RPRML: variants seen among roughly 807,000 people sequenced by gnomAD.
RPRML encodes the protein reprimo like, also known as reprimo-like protein.
A neutral mutation model predicts 5.2 loss-of-function variants in RPRML; 4 were observed. The observed-to-expected ratio is 0.77, with a 90% CI of 0.38 to 1.76. RPRML has a LOEUF of 1.76. Among genes scored for constraint, RPRML ranks in the 40% most tolerant of loss-of-function variants. RPRML has a pLI of 0.04. For missense variants in RPRML, 181 were observed against 177.7 expected, an observed-to-expected ratio of 1.02 and a Z score of -0.11; for synonymous variants, 79 against 89.1, an observed-to-expected ratio of 0.89 and a Z score of 0.64.
rs544387954 is a variant in RPRML at position 46,978,352 on chromosome 17, C to G, written c.*293G>C. ...GCAGTCCCAAATTGCATCTCCATACCCACTCCCACCCTGCCCCGAACGTCT... is the reference window on the plus strand; with the variant it reads ...GCAGTCCCAAATTGCATCTCCATACGCACTCCCACCCTGCCCCGAACGTCT... On this transcript the variant is annotated 3_prime_UTR_variant, in exon 1 of 1. Coordinates refer to ENST00000322329, the MANE Select transcript of RPRML (RefSeq NM_203400.5). 1 of 429,450 alleles carries G rather than the reference C, an allele frequency of 2.3e-6. No homozygotes were observed. Among genetic ancestry groups the G allele is most frequent in the Non-Finnish European group, 4.1e-6 (1 of 242,888 alleles). The allele number at this position is 429,450 out of a possible 1,614,324, so 26.6% of individuals were successfully genotyped here.
Position 46,978,511 on chromosome 17 carries a change from C to T in RPRML, c.*134G>A. The stretch of plus-strand genomic sequence containing the variant: ...CGCGCCCCCGCCGACAGTCTCGCCG[C>T]GTCCCCGCCCGGGCGCCCCAGGCAC... On this transcript the variant is annotated 3_prime_UTR_variant, in exon 1 of 1. Transcript: ENST00000322329. 4 of 1,076,524 alleles carry T rather than the reference C, an allele frequency of 3.7e-6. 1 individual carries two copies. Among genetic ancestry groups the T allele is most frequent in the Non-Finnish European group, 5.1e-6 (4 of 780,428 alleles). 66.7% of individuals were successfully genotyped at this position (1,076,524 alleles called of 1,614,324 possible). A position where few individuals can be genotyped will look rare whatever the true frequency, so the allele number is the denominator to read the frequency against.
At position 46,978,970 on chromosome 17, in the gene RPRML, T is replaced by C; in HGVS notation, c.38A>G (p.Glu13Gly). 2 of 1,449,314 alleles carry C rather than the reference T, an allele frequency of 1.4e-6. No individual in the cohort carries two copies. The highest frequency in any genetic ancestry group is 1.8e-6 in the Non-Finnish European group (2 of 1,110,610). The allele number at this position is 1,449,314 out of a possible 1,614,324, so 89.8% of individuals were successfully genotyped here. A position where few individuals can be genotyped will look rare whatever the true frequency, so the allele number is the denominator to read the frequency against. ...GGCGCCGCCGCCCACGCCGTCCACCTCCTCCAAGCCGCTGTGGTTCAGGAA... is the reference window on the plus strand; with the variant it reads ...GGCGCCGCCGCCCACGCCGTCCACCCCCTCCAAGCCGCTGTGGTTCAGGAA... Reference protein sequence around the residue: ...ATFLNHSGLEEVDGVGGGAGA... With the variant: ...ATFLNHSGLEGVDGVGGGAGA... Residue 13 changes from glutamate to glycine, a missense_variant, in exon 1 of 1, where the codon GAG becomes GGG. Transcript: ENST00000322329.
At position 46,978,635 on chromosome 17, in the gene RPRML, C is replaced by G; in HGVS notation, c.*10G>C. On this transcript the variant is annotated 3_prime_UTR_variant, in exon 1 of 1. Coordinates refer to ENST00000322329, the MANE Select transcript of RPRML (RefSeq NM_203400.5). ...GCAGCAGCGCTGGCGAGGGCGGACC[C>G]AGATGGCGCTCAGTACAGCCCCAGG... 4 of 1,584,074 alleles carry G rather than the reference C, an allele frequency of 2.5e-6. No individual in the cohort carries two copies. The highest frequency in any genetic ancestry group is 3.4e-6 in the Non-Finnish European group (4 of 1,167,398).
Position 46,978,486 on chromosome 17 carries a change from C to G in RPRML, c.*159G>C. 1.2e-6 allele frequency: 1 copy of G among 816,258 alleles called. No homozygotes were observed. The highest frequency in any genetic ancestry group is 1.8e-6 in the Non-Finnish European group (1 of 548,082). The allele number at this position is 816,258 out of a possible 1,614,324, so 50.6% of individuals were successfully genotyped here. A position where few individuals can be genotyped will look rare whatever the true frequency, so the allele number is the denominator to read the frequency against. On this transcript the variant is annotated 3_prime_UTR_variant, in exon 1 of 1. Transcript: ENST00000322329. ...AGAGCCGGGCGTCCAAGTCCCTTCC[C>G]GCGCCCCCGCCGACAGTCTCGCCGC...
chr17:46,978,523 G>A lies in RPRML; in HGVS notation c.*122C>T, dbSNP rs962588603. The A allele has an allele frequency of 3.2e-6, 4 of 1,249,682 alleles. No individual in the cohort carries two copies. The African/African-American group carries it at 6.4e-5, about 20-fold the overall frequency. The allele number at this position is 1,249,682 out of a possible 1,614,324, so 77.4% of individuals were successfully genotyped here. On this transcript the variant is annotated 3_prime_UTR_variant, in exon 1 of 1. Coordinates refer to ENST00000322329, the MANE Select transcript of RPRML (RefSeq NM_203400.5). ...GACAGTCTCGCCGCGTCCCCGCCCGGGCGCCCCAGGCACGTAGCTGCCCGC... is the reference window on the plus strand; with the variant it reads ...GACAGTCTCGCCGCGTCCCCGCCCGAGCGCCCCAGGCACGTAGCTGCCCGC...
chr17:46,979,211 G>C lies in RPRML; in HGVS notation c.-204C>G. On this transcript the variant is annotated 5_prime_UTR_variant, in exon 1 of 1. Transcript: ENST00000322329. Reference sequence around the variant, plus strand: ...GCGGGAAGCGACCGCCCGGAGGAGCGAGCAACAGGCGGCGCAGGAGCTGGA... The same window carrying C: ...GCGGGAAGCGACCGCCCGGAGGAGCCAGCAACAGGCGGCGCAGGAGCTGGA... The C allele has an allele frequency of 2.2e-6, 1 of 451,112 alleles. No homozygotes were observed. Among genetic ancestry groups the C allele is most frequent in the Non-Finnish European group, 3.9e-6 (1 of 259,648 alleles). 27.9% of individuals were successfully genotyped at this position (451,112 alleles called of 1,614,324 possible). A position where few individuals can be genotyped will look rare whatever the true frequency, so the allele number is the denominator to read the frequency against.
Position 46,978,680 on chromosome 17 carries a change from T to G in RPRML, c.328A>C (p.Lys110Gln). 2 of 1,610,402 alleles carry G rather than the reference T, an allele frequency of 1.2e-6. No individual in the cohort carries two copies. The highest frequency in any genetic ancestry group is 1.7e-6 in the Non-Finnish European group (2 of 1,178,786). ...NFLVQERRPSKDVGAAILGLY is the reference protein window; with the variant it reads ...NFLVQERRPSQDVGAAILGLY ...CCCAGGATGGCTGCGCCCACGTCCTTGGAGGGCCGGCGCTCCTGCACCAGA... is the reference window on the plus strand; with the variant it reads ...CCCAGGATGGCTGCGCCCACGTCCTGGGAGGGCCGGCGCTCCTGCACCAGA... Residue 110 changes from lysine (K) to glutamine (Q), a missense_variant, in exon 1 of 1, where the codon AAG becomes CAG. By Grantham distance (53) the Lys-to-Gln change is moderately conservative (BLOSUM62 1). Transcript: ENST00000322329.
chr17:46,978,573 G>C lies in RPRML; in HGVS notation c.*72C>G, dbSNP rs2091464721. The C allele has an allele frequency of 6.6e-7, 1 of 1,506,250 alleles. No homozygotes were observed. Among genetic ancestry groups the C allele is most frequent in the East Asian group, 2.6e-5 (1 of 37,890 alleles). The allele number at this position is 1,506,250 out of a possible 1,614,324, so 93.3% of individuals were successfully genotyped here. On this transcript the variant is annotated 3_prime_UTR_variant, in exon 1 of 1. Transcript: ENST00000322329. Reference sequence around the variant, plus strand: ...CCCGGAGGCGGCGGCAGAGCGCAGAGAGCGGGGCGAGGGTCCGGGTCTCCG... The same window carrying C: ...CCCGGAGGCGGCGGCAGAGCGCAGACAGCGGGGCGAGGGTCCGGGTCTCCG...
rs2091468461 is a variant in RPRML, at chr17:46,978,918, G to T, written c.90C>A (p.His30Gln). The T allele has an allele frequency of 6.8e-7, 1 of 1,464,790 alleles. No homozygotes were observed. The highest frequency in any genetic ancestry group is 2.9e-5 in the East Asian group (1 of 34,010). The allele number at this position is 1,464,790 out of a possible 1,614,324, so 90.7% of individuals were successfully genotyped here. Residue 30 changes from histidine to glutamine, a missense_variant, in exon 1 of 1, where the codon CAC becomes CAA. Transcript: ENST00000322329. Reference protein sequence around the residue: ...GAGAALGNRTHGLGTWLGCCP... With the variant: ...GAGAALGNRTQGLGTWLGCCP... ...AGCAGCCCAGCCACGTGCCCAGCCC[G>T]TGGGTGCGGTTTCCCAGGGCGGCCC...
At position 46,979,031 on chromosome 17, in the gene RPRML, G is replaced by A; in HGVS notation, c.-24C>T. The A allele has an allele frequency of 7.2e-7, 1 of 1,386,918 alleles. No homozygotes were observed. The allele number at this position is 1,386,918 out of a possible 1,614,324, so 85.9% of individuals were successfully genotyped here. A position where few individuals can be genotyped will look rare whatever the true frequency, so the allele number is the denominator to read the frequency against. ...ATCGCCGCGCGGCGCCGGGGGTCTC[G>A]GCGCGCAGTCCCGGGTGCACTGGGC... On this transcript the variant is annotated 5_prime_UTR_variant, in exon 1 of 1. Transcript: ENST00000322329.
Position 46,979,165 on chromosome 17 carries a change from C to T in RPRML, c.-158G>A. On this transcript the variant is annotated 5_prime_UTR_variant, in exon 1 of 1. Transcript: ENST00000322329. ...GGCTGGCTGCCTGCGCGCTCTCGGGCCGCCTACCCCTGGGCACCGGGCGGG... is the reference window on the plus strand; with the variant it reads ...GGCTGGCTGCCTGCGCGCTCTCGGGTCGCCTACCCCTGGGCACCGGGCGGG... The T allele has an allele frequency of 1.3e-6, 1 of 771,490 alleles. No individual in the cohort carries two copies. 47.8% of individuals were successfully genotyped at this position (771,490 alleles called of 1,614,324 possible).
rs768147107 is a variant in RPRML at position 46,978,981 on chromosome 17, G to T, written c.27C>A (p.Ser9Arg). The T allele has an allele frequency of 1.4e-6, 2 of 1,445,638 alleles. No individual in the cohort carries two copies. Among genetic ancestry groups the T allele is most frequent in the South Asian group, 1.4e-5 (1 of 73,296 alleles). The allele number at this position is 1,445,638 out of a possible 1,614,324, so 89.6% of individuals were successfully genotyped here. The stretch of plus-strand genomic sequence containing the variant: ...CCACGCCGTCCACCTCCTCCAAGCC[G>T]CTGTGGTTCAGGAAGGTCGCGTTCA... MNATFLNH[S>R]GLEEVDGVGG... Residue 9 changes from serine to arginine, a missense_variant, in exon 1 of 1, where the codon AGC becomes AGA. Coordinates refer to ENST00000322329, the MANE Select transcript of RPRML (RefSeq NM_203400.5).
In RPRML at chr17:46,978,456, A is replaced by G. The variant is rs1597800821; in HGVS notation, c.*189T>C. The G allele has an allele frequency of 1.7e-6, 1 of 594,004 alleles. No individual in the cohort carries two copies. The highest frequency in any genetic ancestry group is 3.3e-5 in the East Asian group (1 of 30,716). The allele number at this position is 594,004 out of a possible 1,614,324, so 36.8% of individuals were successfully genotyped here. On this transcript the variant is annotated 3_prime_UTR_variant, in exon 1 of 1. Transcript: ENST00000322329. ...CACCCCGCAACGCTGCAGCGCACAC[A>G]GGACAGAGCCGGGCGTCCAAGTCCC...
In RPRML at chr17:46,979,049, C is replaced by T; in HGVS notation, c.-42G>A. ...GGGTCTCGGCGCGCAGTCCCGGGTG[C>T]ACTGGGCTGCTCGCCGGGGTCCGCG... On this transcript the variant is annotated 5_prime_UTR_variant, in exon 1 of 1. Transcript: ENST00000322329. 7.4e-7 allele frequency: 1 copy of T among 1,349,586 alleles called. No individual in the cohort carries two copies. The highest frequency in any genetic ancestry group is 9.4e-7 in the Non-Finnish European group (1 of 1,060,642). 83.6% of individuals were successfully genotyped at this position (1,349,586 alleles called of 1,614,324 possible). A position where few individuals can be genotyped will look rare whatever the true frequency, so the allele number is the denominator to read the frequency against.
In RPRML at chr17:46,978,446, C is replaced by A; in HGVS notation, c.*199G>T. On this transcript the variant is annotated 3_prime_UTR_variant, in exon 1 of 1. Coordinates refer to ENST00000322329, the MANE Select transcript of RPRML (RefSeq NM_203400.5). ...CACATTCTCCCACCCCGCAACGCTG[C>A]AGCGCACACAGGACAGAGCCGGGCG... The A allele has an allele frequency of 1.8e-6, 1 of 568,082 alleles. No homozygotes were observed. The highest frequency in any genetic ancestry group is 2.4e-5 in the South Asian group (1 of 41,090). 35.2% of individuals were successfully genotyped at this position (568,082 alleles called of 1,614,324 possible).
rs2091463932 is a variant in RPRML at position 46,978,493 on chromosome 17, C to T, written c.*152G>A. The T allele has an allele frequency of 2.2e-6, 2 of 894,334 alleles. No individual in the cohort carries two copies. The highest frequency in any genetic ancestry group is 1.8e-5 in the South Asian group (1 of 54,138). 55.4% of individuals were successfully genotyped at this position (894,334 alleles called of 1,614,324 possible). ...GGCGTCCAAGTCCCTTCCCGCGCCC[C>T]CGCCGACAGTCTCGCCGCGTCCCCG... On this transcript the variant is annotated 3_prime_UTR_variant, in exon 1 of 1. Coordinates refer to ENST00000322329, the MANE Select transcript of RPRML (RefSeq NM_203400.5).
In RPRML at chr17:46,979,157, C is replaced by T; in HGVS notation, c.-150G>A. 1.2e-6 allele frequency: 1 copy of T among 852,966 alleles called. No homozygotes were observed. Among genetic ancestry groups the T allele is most frequent in the Non-Finnish European group, 1.6e-6 (1 of 620,812 alleles). The allele number at this position is 852,966 out of a possible 1,614,324, so 52.8% of individuals were successfully genotyped here. The stretch of plus-strand genomic sequence containing the variant: ...AGGCGGGAGGCTGGCTGCCTGCGCG[C>T]TCTCGGGCCGCCTACCCCTGGGCAC... On this transcript the variant is annotated 5_prime_UTR_variant, in exon 1 of 1. Transcript: ENST00000322329.
In RPRML at chr17:46,979,188, G is replaced by A. The variant is rs989314391; in HGVS notation, c.-181C>T. 1 of 545,158 alleles carries A rather than the reference G, an allele frequency of 1.8e-6. No homozygotes were observed. The highest frequency in any genetic ancestry group is 2.9e-6 in the Non-Finnish European group (1 of 343,582). The allele number at this position is 545,158 out of a possible 1,614,324, so 33.8% of individuals were successfully genotyped here. ...GGCCGCCTACCCCTGGGCACCGGGC[G>A]GGAAGCGACCGCCCGGAGGAGCGAG... On this transcript the variant is annotated 5_prime_UTR_variant, in exon 1 of 1. Transcript: ENST00000322329.
rs1201164515 is a variant in RPRML, at chr17:46,978,307, A to G, written c.*338T>C. The stretch of plus-strand genomic sequence containing the variant: ...ACCCACCCGCACCAACGTACACACA[A>G]AACTCCCACGCGAGCGACCGCAGTC... On this transcript the variant is annotated 3_prime_UTR_variant, in exon 1 of 1. Coordinates refer to ENST00000322329, the MANE Select transcript of RPRML (RefSeq NM_203400.5). 2 of 340,734 alleles carry G rather than the reference A, an allele frequency of 5.9e-6. No individual in the cohort carries two copies. Among genetic ancestry groups the G allele is most frequent in the African/African-American group, 2.2e-5 (1 of 45,518 alleles). 21.1% of individuals were successfully genotyped at this position (340,734 alleles called of 1,614,324 possible).
Sources: allele counts gnomAD v4.1 joint callset, GRCh38; gene constraint gnomAD v4.1.1; transcripts MANE v1.5; gene names NCBI Gene and HGNC (gene_info 2026-07-23, HGNC 2026-07-21).